KDM4C: variants seen among roughly 807,000 people sequenced by gnomAD.
The protein encoded by KDM4C is lysine demethylase 4C, also known as lysine-specific demethylase 4C.
A neutral mutation model predicts 129.3 loss-of-function variants in KDM4C; 81 were observed. The observed-to-expected ratio is 0.63, with a 90% CI of 0.52 to 0.75. KDM4C has a LOEUF of 0.75. Ranked by LOEUF, KDM4C falls within the 30% of genes least tolerant of loss-of-function variation. The pLI is 0.00. For missense variants in KDM4C, 1,457 were observed against 1,304.0 expected (o/e 1.12, Z -1.81); for synonymous variants, 573 against 456.1 (o/e 1.26, Z -3.26).
intron 17 of KDM4C, among the ~76,000 whole-genome samples, chr9:7,051,588 GGT>G (rs896879074): frequency 1.3e-5 from 2 of 152,024 alleles, no homozygotes; most frequent in Non-Finnish European, 2.9e-5. Context: ...AGTTTTGTGT[GGT>G]ATTTCATCCA....
At chr9:6,807,290 T>G (rs533624186) in intron 3 of KDM4C, among the ~76,000 whole-genome samples, 1 of 151,898 alleles carries the variant, frequency 6.6e-6, no homozygotes, top group African/African-American at 2.4e-5. Context: ...TTGCAGCCTC[T>G]GCCCAGCCGC....
chr9:6,720,982 G>A (rs1816927651), exon 1 of KDM4C: 1 of 1,551,540 alleles, frequency 6.4e-7, no homozygotes, highest in Non-Finnish European at 8.7e-7. Context: ...GAAGAGGACT[G>A]AAGAAGCAGC....
At chr9:7,124,666 C>G (rs1031769527) in intron 18 of KDM4C, among the ~76,000 whole-genome samples, 2 of 152,170 alleles carry the variant, frequency 1.3e-5, no homozygotes, top group Non-Finnish European at 2.9e-5. Context: ...TTAAAGATTT[C>G]TACTTCAAGT....
chr9:6,910,232 C>T (rs1819045413), intron 8 of KDM4C, among the ~76,000 whole-genome samples: 1 of 151,948 alleles, frequency 6.6e-6, no homozygotes, highest in Non-Finnish European at 1.5e-5. Flanking sequence ...TGAGAAGCAG[C>T]ACTACATTAA....
intron 8 of KDM4C, among the ~76,000 whole-genome samples, chr9:6,905,378 A>C (rs944507053): frequency 6.6e-6 from 1 of 152,166 alleles, no homozygotes; most frequent in Non-Finnish European, 1.5e-5. Context: ...CCAAGTGTTG[A>C]TTGTCCTGAA....
At chr9:6,865,628 G>A (rs1009407011) in intron 5 of KDM4C, among the ~76,000 whole-genome samples, 6 of 152,118 alleles carry the variant, frequency 3.9e-5, no homozygotes, top group South Asian at 4.2e-4. Context: ...GTTCAGTGGC[G>A]TGATCTCAGC....
chr9:7,166,147 T>C (rs1417982921), intron 20 of KDM4C, among the ~76,000 whole-genome samples: 1 of 152,106 alleles, frequency 6.6e-6, no homozygotes, highest in African/African-American at 2.4e-5. Flanking sequence ...CAGGCTAAAC[T>C]GTAGAGTGAA....
intron 5 of KDM4C, among the ~76,000 whole-genome samples, chr9:6,856,620 C>T (rs1839894902): frequency 6.7e-6 from 1 of 149,912 alleles, no homozygotes; most frequent in Non-Finnish European, 1.5e-5. Context: ...GTTTCCCGGG[C>T]TGAATGCGGT....
intron 4 of KDM4C, chr9:6,835,243 T>C (rs1835672774): frequency 8.8e-6 from 8 of 910,668 alleles, no homozygotes; most frequent in Non-Finnish European, 1.5e-5. Context: ...CTTCCAGCTT[T>C]CCTTCCTGGG....
At chr9:7,086,688 A>AT (rs1359862732) in intron 17 of KDM4C, among the ~76,000 whole-genome samples, 15 of 152,216 alleles carry the variant, frequency 9.9e-5, no homozygotes, top group African/African-American at 3.4e-4. Flanking sequence ...TTACCAGCAG[A>AT]TTCCTGAGAT....
intron 15 of KDM4C, among the ~76,000 whole-genome samples, chr9:7,020,401 T>G (rs1824579424): frequency 1.3e-5 from 2 of 152,226 alleles, no homozygotes; most frequent in African/African-American, 4.8e-5. Flanking sequence ...CACAACTATC[T>G]GACAGCTATA....
chr9:6,723,324 G>A (rs1817018465), intron 1 of KDM4C, among the ~76,000 whole-genome samples: 2 of 152,074 alleles, frequency 1.3e-5, no homozygotes, highest in South Asian at 4.2e-4. Flanking sequence ...GCAGTGAGAC[G>A]AGGTCACGCC....
intron 8 of KDM4C, among the ~76,000 whole-genome samples, chr9:6,959,777 G>A (rs1374766588): frequency 1.3e-5 from 2 of 151,980 alleles, no homozygotes; most frequent in Non-Finnish European, 2.9e-5. Flanking sequence ...ATAACATGAC[G>A]GATATATATG....
chr9:6,927,369 A>T (rs1338129438), intron 8 of KDM4C, among the ~76,000 whole-genome samples: 1 of 152,192 alleles, frequency 6.6e-6, no homozygotes, highest in Non-Finnish European at 1.5e-5. Context: ...GCCTCAAGTC[A>T]TCCGCCTGCC....
chr9:6,739,295 A>C (rs961436309), intron 1 of KDM4C, among the ~76,000 whole-genome samples: 2 of 150,250 alleles, frequency 1.3e-5, no homozygotes, highest in Non-Finnish European at 3.0e-5. Context: ...CTGGTCTTGA[A>C]CTCCTGTCCT....
chr9:6,939,584 A>T (rs188879501), intron 8 of KDM4C, among the ~76,000 whole-genome samples: 88 of 152,304 alleles, frequency 5.8e-4, no homozygotes, highest in Non-Finnish European at 8.4e-4. Flanking sequence ...TTATGATTGG[A>T]TGTAGAGTTG....
At chr9:7,056,785 G>A (rs933927338) in intron 17 of KDM4C, among the ~76,000 whole-genome samples, 2 of 152,152 alleles carry the variant, frequency 1.3e-5, no homozygotes, top group Non-Finnish European at 2.9e-5. Flanking sequence ...TTGCATTGAC[G>A]AATGCTCCAT....
intron 8 of KDM4C, chr9:6,902,678 T>A (rs952536575): frequency 3.3e-5 from 5 of 152,090 alleles, no homozygotes; most frequent in African/African-American, 1.2e-4. Flanking sequence ...CCCTGAATAT[T>A]AATTTGGGGG....
At chr9:6,813,147 C>A (rs953473261) in intron 3 of KDM4C, among the ~76,000 whole-genome samples, 1 of 152,006 alleles carries the variant, frequency 6.6e-6, no homozygotes, top group African/African-American at 2.4e-5. Flanking sequence ...TGTACTCCAG[C>A]CTGGGCAACA....
Sources: allele counts gnomAD v4.1 joint callset (sites outside exome capture counted in the v4.1 genomes callset), GRCh38; gene constraint gnomAD v4.1.1; transcripts MANE v1.5; gene names NCBI Gene and HGNC (gene_info 2026-07-23, HGNC 2026-07-21).